STMN3: variants seen among roughly 807,000 people sequenced by gnomAD.
STMN3 encodes stathmin 3.
In STMN3, 24 loss-of-function variants were observed where a neutral mutation model predicts 23.2. The observed-to-expected ratio is 1.03, with a 90% CI of 0.75 to 1.45. The LOEUF (loss-of-function observed/expected upper bound fraction) is 1.45. Among genes scored for constraint, STMN3 ranks in the 40% most tolerant of loss-of-function variants. The probability of loss-of-function intolerance (pLI) is 0.00; values close to 1 mark genes in which losing one functional copy is unlikely to be tolerated. For missense variants in STMN3, 235 were observed against 237.6 expected, an observed-to-expected ratio of 0.99 and a Z score of 0.07; for synonymous variants, 117 against 103.4, an observed-to-expected ratio of 1.13 and a Z score of -0.80.
chr20:63,644,237 G>A lies in STMN3; in HGVS notation c.92C>T (p.Pro31Leu), dbSNP rs780380420. The A allele has an allele frequency of 6.2e-7, 1 of 1,613,364 alleles. No homozygotes were observed. The highest frequency in any genetic ancestry group is 2.2e-5 in the East Asian group (1 of 44,884). Residue 31 changes from proline to leucine, a missense_variant, in exon 2 of 5, where the codon CCC becomes CTC. Pro to Leu is a moderately conservative substitution (Grantham distance 98). Coordinates refer to ENST00000370053, the MANE Select transcript of STMN3 (RefSeq NM_015894.4). Reference protein sequence around the residue: ...ICSCFYTQPHPNTVYQYGDME... With the variant: ...ICSCFYTQPHLNTVYQYGDME... ...ACCCCCGTACTGGTAGACGGTATTG[G>A]GGTGCGGCTGTGTGTAGAAGCAGGA... is the stretch of plus-strand genomic sequence containing the variant.
At chr20:63,648,375 A>G (rs2089834601) in intron 1 of STMN3, among the ~76,000 whole-genome samples, 1 of 152,096 alleles carries the variant, frequency 6.6e-6, no homozygotes, top group African/African-American at 2.4e-5. Flanking sequence ...TCTGCCAGCA[A>G]CCAGCTCCCT....
chr20:63,647,778 GTATA>G (rs779038295), intron 1 of STMN3, among the ~76,000 whole-genome samples: 3 of 116,434 alleles, frequency 2.6e-5, no homozygotes, highest in African/African-American at 9.6e-5. Context: ...ATATACACGT[GTATA>G]TATATAATAT....
At position 63,653,318 on chromosome 20, in the gene STMN3, G is replaced by C. The variant is rs1004417611; in HGVS notation, c.19+9C>G. The C allele has an allele frequency of 7.1e-6, 11 of 1,546,624 alleles. No individual in the cohort carries two copies. Among genetic ancestry groups the C allele is most frequent in the Middle Eastern group, 1.7e-4 (1 of 5,800 alleles). On this transcript the variant is annotated intron_variant, in intron 1 of 4. Transcript: ENST00000370053. ...GCCGCCCCACAAAGCCCGTGGCCCCGGAGCCTACCGGAAATGGTGCTGGCC... is the reference window on the plus strand; with the variant it reads ...GCCGCCCCACAAAGCCCGTGGCCCCCGAGCCTACCGGAAATGGTGCTGGCC...
At chr20:63,644,462 C>T (rs1021264822) in intron 1 of STMN3, among the ~76,000 whole-genome samples, 153 bp from the exon 2 acceptor site, 3 of 152,144 alleles carry the variant, frequency 2.0e-5, no homozygotes, top group Non-Finnish European at 2.9e-5. Flanking sequence ...CCGGCCCCTT[C>T]GTCTCTCCAG....
intron 3 of STMN3, 41 bp from the exon 4 acceptor site, chr20:63,642,340 GC>G (rs2089775870): frequency 7.4e-7 from 1 of 1,348,128 alleles, no homozygotes. Context: ...GCAACCCCGG[GC>G]CCTGCCCGGC....
chr20:63,642,345 G>T (rs773487459), intron 3 of STMN3, 46 bp from the exon 4 acceptor site: 216 of 1,341,692 alleles, frequency 1.6e-4, no homozygotes, highest in Non-Finnish European at 2.0e-4. Context: ...CCCGGGCCCT[G>T]CCCGGCCGGA....
At chr20:63,649,686 A>G (rs1001949441) in intron 1 of STMN3, among the ~76,000 whole-genome samples, 1 of 151,774 alleles carries the variant, frequency 6.6e-6, no homozygotes, top group Non-Finnish European at 1.5e-5. Context: ...GCCCGCCACC[A>G]CGCCCAGCTA....
chr20:63,646,711 A>G (rs1016737512), intron 1 of STMN3, among the ~76,000 whole-genome samples: 11 of 151,854 alleles, frequency 7.2e-5, no homozygotes, highest in Non-Finnish European at 1.0e-4. Context: ...TGTAGGGTGC[A>G]GCTGTGCGGT....
In STMN3 at chr20:63,653,398, G is replaced by A; in HGVS notation, c.-53C>T. On this transcript the variant is annotated 5_prime_UTR_variant, in exon 1 of 5. Coordinates refer to ENST00000370053, the MANE Select transcript of STMN3 (RefSeq NM_015894.4). ...GGCTGGAGAGGCGCAAGTGGCGGCC[G>A]GAGCTGCAGACGGCTGGTGCTGCAG... 3 of 1,528,584 alleles carry A rather than the reference G, an allele frequency of 2.0e-6. No homozygotes were observed. Among genetic ancestry groups the A allele is most frequent in the Middle Eastern group, 2.1e-4 (1 of 4,710 alleles). 94.7% of individuals were successfully genotyped at this position (1,528,584 alleles called of 1,614,324 possible).
chr20:63,647,991 T>TGTATATATATACAC (rs1555897558), intron 1 of STMN3, among the ~76,000 whole-genome samples: 1 of 75,892 alleles, frequency 1.3e-5, no homozygotes, highest in Non-Finnish European at 2.7e-5. Flanking sequence ...CATATATATA[T>TGTATATATATACAC]ACAGAGAGAG....
At chr20:63,647,788 A>T (rs1212958202) in intron 1 of STMN3, among the ~76,000 whole-genome samples, 2 of 126,400 alleles carry the variant, frequency 1.6e-5, no homozygotes, top group African/African-American at 2.9e-5. Context: ...GTATATATAT[A>T]ATATATATAC....
At chr20:63,651,207 G>C (rs1456107397) in intron 1 of STMN3, among the ~76,000 whole-genome samples, 1 of 151,918 alleles carries the variant, frequency 6.6e-6, no homozygotes, top group South Asian at 2.1e-4. Flanking sequence ...TTTATCCACC[G>C]GCCTCAGCCT....
chr20:63,653,358 G>T lies in STMN3; in HGVS notation c.-13C>A, dbSNP rs1033293777. On this transcript the variant is annotated 5_prime_UTR_variant, in exon 1 of 5. Coordinates refer to ENST00000370053, the MANE Select transcript of STMN3 (RefSeq NM_015894.4). ...TGGTGCTGGCCATGGTGCTGGCGGCGGTTGGGCCTGCGGAGGCTGGAGAGG... is the reference window on the plus strand; with the variant it reads ...TGGTGCTGGCCATGGTGCTGGCGGCTGTTGGGCCTGCGGAGGCTGGAGAGG... 4 of 1,545,584 alleles carry T rather than the reference G, an allele frequency of 2.6e-6. No homozygotes were observed. Among genetic ancestry groups the T allele is most frequent in the African/African-American group, 1.4e-5 (1 of 72,122 alleles).
At chr20:63,648,752 A>C (rs1398464516) in intron 1 of STMN3, among the ~76,000 whole-genome samples, 1 of 151,840 alleles carries the variant, frequency 6.6e-6, no homozygotes, top group East Asian at 1.9e-4. Flanking sequence ...CAAAAACTGG[A>C]ATGTGTTTAC....
chr20:63,647,763 T>C (rs950129999), intron 1 of STMN3, among the ~76,000 whole-genome samples: 16 of 126,228 alleles, frequency 1.3e-4, no homozygotes, highest in African/African-American at 2.6e-4. Context: ...ATAATATATA[T>C]ACATATATAC....
rs781617992 is a variant in STMN3 at position 63,641,433 on chromosome 20, G to A, written c.484-36C>T. The A allele has an allele frequency of 2.4e-5, 36 of 1,530,778 alleles. No individual in the cohort carries two copies. The South Asian group carries it at 3.8e-4, about 16-fold the overall frequency. 94.8% of individuals were successfully genotyped at this position (1,530,778 alleles called of 1,614,324 possible). ...GGGGGCGGGAGGGCCTGAGGGCGGG[G>A]GTGGCTTGGGGCGACTCCGGGAACC... On this transcript the variant is annotated intron_variant, in intron 4 of 4. Coordinates refer to ENST00000370053, the MANE Select transcript of STMN3 (RefSeq NM_015894.4).
Position 63,652,589 on chromosome 20 carries a change from T to C in STMN3, c.19+738A>G. ...GGGCGCTACCTTCGAAGGCGGTGGGTCCGCCCCGCGGGAGGTGGAGGGGCG... is the reference window on the plus strand; with the variant it reads ...GGGCGCTACCTTCGAAGGCGGTGGGCCCGCCCCGCGGGAGGTGGAGGGGCG... On this transcript the variant is annotated intron_variant, in intron 1 of 4. Coordinates refer to ENST00000370053, the MANE Select transcript of STMN3 (RefSeq NM_015894.4). This position sits in a 1 kb window ranked among gnomAD's most constrained non-coding sequence, Gnocchi z 5.3. 1.0e-6 allele frequency: 1 copy of C among 985,078 alleles called. No individual in the cohort carries two copies. Among genetic ancestry groups the C allele is most frequent in the South Asian group, 4.7e-5 (1 of 21,288 alleles). The allele number at this position is 985,078 out of a possible 1,614,324, so 61.0% of individuals were successfully genotyped here.
intron 3 of STMN3, among the ~76,000 whole-genome samples, chr20:63,643,108 T>G (rs1362249820): frequency 6.6e-6 from 1 of 152,020 alleles, no homozygotes; most frequent in East Asian, 1.9e-4. Context: ...TTCCTCCAGC[T>G]TCCCTGTCTG....
chr20:63,648,832 C>T (rs1004344074), intron 1 of STMN3, among the ~76,000 whole-genome samples: 3 of 151,980 alleles, frequency 2.0e-5, no homozygotes, highest in Admixed American at 1.3e-4. Context: ...AAATTTTCAC[C>T]GAAAAAAAGA....
Sources: allele counts gnomAD v4.1 joint callset (sites outside exome capture counted in the v4.1 genomes callset), GRCh38; gene constraint gnomAD v4.1.1; non-coding constraint Gnocchi (gnomAD v3.1); transcripts MANE v1.5; gene names NCBI Gene and HGNC (gene_info 2026-07-23, HGNC 2026-07-21).